Variants in MCCC1 observed in about 807,000 individuals in gnomAD.
The protein encoded by MCCC1 is methylcrotonoyl-CoA carboxylase subunit alpha, mitochondrial.
Under a neutral mutation model 83.8 loss-of-function variants are expected in MCCC1, and 64 were observed. The ratio of observed to expected loss-of-function variants is 0.76; its 90% CI spans 0.62 to 0.94. MCCC1 has a LOEUF of 0.94. MCCC1 is among the 40% of genes least tolerant of loss of function. The probability of loss-of-function intolerance (pLI) is 0.00; values close to 1 mark genes in which losing one functional copy is unlikely to be tolerated. For synonymous variants in MCCC1, 322 were observed against 315.4 expected (o/e 1.02, Z -0.22); for missense variants, 807 against 904.7 (o/e 0.89, Z 1.39).
intron 9 of MCCC1, 110 bp downstream of exon 9, chr3:183,052,049 G>T: frequency 1.1e-6 from 1 of 942,280 alleles, no homozygotes; most frequent in Non-Finnish European, 1.7e-6. Flanking sequence ...CTGTGAATAT[G>T]GTCAAAACAG....
intron 11 of MCCC1, among the ~76,000 whole-genome samples, chr3:183,039,742 G>A (rs1236175934): frequency 6.6e-6 from 1 of 152,128 alleles, no homozygotes; most frequent in South Asian, 2.1e-4. Flanking sequence ...GAACGTTGTT[G>A]CAGGGTCTTT....
intron 13 of MCCC1, 54 bp from the exon 14 acceptor site, chr3:183,034,131 T>C (rs1179968441): frequency 8.2e-7 from 1 of 1,220,370 alleles, no homozygotes; most frequent in African/African-American, 1.5e-5. Flanking sequence ...GCCTATGAAA[T>C]TTACACCTTA....
At chr3:183,072,309 C>T in intron 5 of MCCC1, 57 bp downstream of exon 5, 1 of 1,602,824 alleles carries the variant, frequency 6.2e-7, no homozygotes, top group East Asian at 2.2e-5. Flanking sequence ...CATGCCTGGC[C>T]CAAACTATTT....
intron 11 of MCCC1, among the ~76,000 whole-genome samples, chr3:183,041,068 G>A (rs1250248021): frequency 6.6e-6 from 1 of 152,210 alleles, no homozygotes; most frequent in African/African-American, 2.4e-5. Flanking sequence ...AGCAGTGCCT[G>A]TAAGTAGGAA....
chr3:183,104,928 G>A lies in MCCC1; in HGVS notation c.-101-10323C>T, dbSNP rs115943275. 3.3e-3 allele frequency among the ~76,000 whole-genome samples: 497 copies of A among 152,278 alleles called. 3 individuals carry two copies. Among genetic ancestry groups the A allele is most frequent in the African/African-American group, 0.012 (490 of 41,552 alleles). On this transcript the variant is annotated intron_variant, in intron 1 of 17. Transcript: ENST00000492597. The stretch of plus-strand genomic sequence containing the variant: ...GCAAATCCACAAACTCTTTGACCTA[G>A]CAAAAGAATTTCTTGGAATTCACCT...
At position 183,099,389 on chromosome 3, in the gene MCCC1, G is replaced by A. The variant is rs1443414652; in HGVS notation, c.52C>T (p.Arg18Trp). 1.2e-6 allele frequency: 2 copies of A among 1,604,660 alleles called. No homozygotes were observed. The highest frequency in any genetic ancestry group is 1.7e-6 in the Non-Finnish European group (2 of 1,177,390). The change falls in exon 1 of 19, where the codon CGG becomes TGG. Residue 18 changes from arginine to tryptophan, a missense_variant. Physicochemically the swap from Arg to Trp is moderately radical, Grantham distance 101. Coordinates refer to ENST00000265594, the MANE Select transcript of MCCC1 (RefSeq NM_020166.5). ...SVLLVAAERN[R>W]WHRLPSLLLP... ...AGCAGGCTCGGGAGACGATGCCACC[G>A]GTTCCTCTCCGCCGCCACCAGCAGC...
chr3:183,039,162 T>C (rs199705902), intron 11 of MCCC1, 27 bp from the exon 12 acceptor site: 1 of 1,600,292 alleles, frequency 6.2e-7, no homozygotes, highest in African/African-American at 1.3e-5. Flanking sequence ...CGGTAACCTC[T>C]TCAAGTCAAA....
rs534005657 is a variant in MCCC1 at position 183,091,770 on chromosome 3, C to T, written c.273+639G>A. ...GAATAGAGCCTGGATTGGCTAGGCA[C>T]GGTGGCTCACGCCTGTTTGGCACTT... On this transcript the variant is annotated intron_variant, in intron 3 of 18. Coordinates refer to ENST00000265594, the MANE Select transcript of MCCC1 (RefSeq NM_020166.5). Among the ~76,000 whole-genome samples the T allele has an allele frequency of 6.9e-4, 105 of 151,974 alleles. 1 individual carries two copies. The highest frequency in any genetic ancestry group is 4.6e-3 in the Admixed American group (70 of 15,266).
At chr3:183,099,136 G>A (rs1215429559) in intron 1 of MCCC1, 6 of 610,130 alleles carry the variant, frequency 9.8e-6, no homozygotes, top group South Asian at 3.8e-5. Context: ...GCGCTGAAGC[G>A]TGGATGTGCG....
chr3:183,072,187 G>A (rs1716747503), intron 5 of MCCC1, among the ~76,000 whole-genome samples, 179 bp downstream of exon 5: 1 of 151,722 alleles, frequency 6.6e-6, no homozygotes, highest in African/African-American at 2.4e-5. Context: ...TTAAAAAAAA[G>A]AATTTTGAGA....
chr3:183,097,916 T>A (rs1718859336), intron 1 of MCCC1, among the ~76,000 whole-genome samples: 1 of 152,080 alleles, frequency 6.6e-6, no homozygotes, highest in South Asian at 2.1e-4. Flanking sequence ...TTTTTTTTAT[T>A]TTTTTATTTT....
intron 14 of MCCC1, among the ~76,000 whole-genome samples, chr3:183,026,679 C>T (rs762300008): frequency 2.0e-5 from 3 of 151,998 alleles, no homozygotes; most frequent in Non-Finnish European, 4.4e-5. Context: ...CACTGCACTC[C>T]AGCCTGGGTG....
intron 1 of MCCC1, among the ~76,000 whole-genome samples, chr3:183,113,838 T>G (rs1719542832): frequency 6.6e-6 from 1 of 152,166 alleles, no homozygotes; most frequent in African/African-American, 2.4e-5. Flanking sequence ...GATTTTTAGC[T>G]GGTGGGTCAA....
At chr3:183,060,916 T>C (rs1715781969) in intron 7 of MCCC1, among the ~76,000 whole-genome samples, 2 of 152,194 alleles carry the variant, frequency 1.3e-5, no homozygotes, top group Admixed American at 6.5e-5. Flanking sequence ...CATCCTTTTT[T>C]ATGGCTGCGA....
intron 12 of MCCC1, among the ~76,000 whole-genome samples, chr3:183,037,925 C>T (rs1560220471): frequency 6.6e-6 from 1 of 151,976 alleles, no homozygotes; most frequent in Admixed American, 6.6e-5. Context: ...TTTTATATAC[C>T]GATACAAAAA....
chr3:183,092,580 T>C, intron 2 of MCCC1, 35 bp from the exon 3 acceptor site: 1 of 1,613,430 alleles, frequency 6.2e-7, no homozygotes, highest in Non-Finnish European at 8.5e-7. Flanking sequence ...CACAGAAATG[T>C]TACTGGAGAG....
intron 17 of MCCC1, 148 bp from the exon 18 acceptor site, chr3:183,017,485 A>T: frequency 1.3e-6 from 1 of 746,274 alleles, no homozygotes; most frequent in Non-Finnish European, 2.2e-6. Flanking sequence ...AACATAAATA[A>T]AAAGAAAAAA....
chr3:183,032,027 C>T (rs1430677609), intron 14 of MCCC1, among the ~76,000 whole-genome samples: 1 of 152,040 alleles, frequency 6.6e-6, no homozygotes, highest in African/African-American at 2.4e-5. Context: ...TGCTTATTAG[C>T]ATTTTTTGGA....
chr3:183,110,890 T>C (rs978230054), intron 1 of MCCC1, among the ~76,000 whole-genome samples: 1 of 152,092 alleles, frequency 6.6e-6, no homozygotes, highest in Non-Finnish European at 1.5e-5. Context: ...ATTTATTGAA[T>C]AGGGAGTCCT....
Sources: allele counts gnomAD v4.1 joint callset (sites outside exome capture counted in the v4.1 genomes callset), GRCh38; gene constraint gnomAD v4.1.1; transcripts MANE v1.5; gene names NCBI Gene and HGNC (gene_info 2026-07-23, HGNC 2026-07-21).